TOP3A: variants seen among roughly 807,000 people sequenced by gnomAD.
The protein encoded by TOP3A is DNA topoisomerase 3-alpha.
Under a neutral mutation model 111.3 loss-of-function variants are expected in TOP3A, and 64 were observed. The ratio of observed to expected loss-of-function variants is 0.57; its 90% CI spans 0.47 to 0.71. TOP3A has a LOEUF of 0.71. Among genes scored for constraint, TOP3A ranks in the 30% least tolerant of loss-of-function variants. TOP3A has a pLI of 0.00. For missense variants in TOP3A, 1,104 were observed against 1,285.0 expected (o/e 0.86, Z 2.15); for synonymous variants, 484 against 485.1 (o/e 1.00, Z 0.03).
rs767947182 is a variant in TOP3A, at chr17:18,302,313, C to G, written c.765G>C (p.Arg255=). 1 of 1,613,062 alleles carries G rather than the reference C, an allele frequency of 6.2e-7. No homozygotes were observed. The highest frequency in any genetic ancestry group is 8.5e-7 in the Non-Finnish European group (1 of 1,179,994). Residue 255 remains arginine, a synonymous_variant, in exon 7 of 19, where the codon CGG becomes CGC. Transcript: ENST00000321105. The part of the protein sequence containing the change: ...QFPTLGFVVE[R]FKAIQAFVPE... ...GTACAAAAGCCTGAATGGCTTTGAA[C>G]CGCTCCACCACAAAGCCCAGTGTGG...
intron 18 of TOP3A, among the ~76,000 whole-genome samples, chr17:18,277,454 T>G (rs1979448331): frequency 6.6e-6 from 1 of 152,232 alleles, no homozygotes; most frequent in Non-Finnish European, 1.5e-5. Context: ...ATAGGGCAAG[T>G]GACACCATTA....
chr17:18,305,491 C>T (rs1315262005), intron 4 of TOP3A, among the ~76,000 whole-genome samples: 2 of 145,904 alleles, frequency 1.4e-5, no homozygotes, highest in Non-Finnish European at 3.0e-5. Context: ...CACACACGCG[C>T]GCGCGCGCGC....
chr17:18,291,617 A>C (rs1178603917), intron 11 of TOP3A, among the ~76,000 whole-genome samples: 1 of 152,246 alleles, frequency 6.6e-6, no homozygotes, highest in Non-Finnish European at 1.5e-5. Flanking sequence ...TTGGCAAAAT[A>C]AATTATGGCA....
chr17:18,312,536 A>G (rs141563475), intron 1 of TOP3A: 164 of 166,366 alleles, frequency 9.9e-4, no homozygotes, highest in African/African-American at 3.7e-3. Flanking sequence ...GGTGGGACAA[A>G]TTACAACGAC....
chr17:18,301,575 A>G (rs1437565975), intron 8 of TOP3A, among the ~76,000 whole-genome samples: 3 of 152,258 alleles, frequency 2.0e-5, no homozygotes, highest in Non-Finnish European at 4.4e-5. Flanking sequence ...TCCTAGCTCT[A>G]TAAGTCAATG....
rs61173749 is a variant in TOP3A, at chr17:18,289,119, TCTC to T, written c.1597+1435_1597+1437del. Reference sequence around the variant, plus strand: ...CCTCCACCTCCCGGGTTCATGCAATTCTCCTGCCTCAGCCTCCCAAGTAGCTGG... The same window carrying T: ...CCTCCACCTCCCGGGTTCATGCAATTCTGCCTCAGCCTCCCAAGTAGCTGG... On this transcript the variant is annotated intron_variant, in intron 13 of 18. Coordinates refer to ENST00000321105, the MANE Select transcript of TOP3A (RefSeq NM_004618.5). 7.2e-5 allele frequency among the ~76,000 whole-genome samples: 11 copies of T among 152,214 alleles called. No homozygotes were observed. The East Asian group carries it at 2.1e-3, about 29-fold the overall frequency.
chr17:18,285,006 G>T, intron 15 of TOP3A, 136 bp downstream of exon 15: 1 of 1,002,242 alleles, frequency 1.0e-6, no homozygotes, highest in Non-Finnish European at 1.5e-6. Flanking sequence ...AACTCTGACT[G>T]GCCCAGATGC....
intron 8 of TOP3A, among the ~76,000 whole-genome samples, chr17:18,301,403 C>G (rs910652965): frequency 6.6e-6 from 1 of 152,234 alleles, no homozygotes; most frequent in Admixed American, 6.5e-5. Context: ...TACCCCTCCC[C>G]TCACTGTCCC....
At chr17:18,313,452 A>T (rs1347850898) in intron 1 of TOP3A, 1 of 157,620 alleles carries the variant, frequency 6.3e-6, no homozygotes, top group Non-Finnish European at 1.4e-5. Flanking sequence ...AGCCTGTTCC[A>T]TTGAGGGAAG....
chr17:18,275,318 A>G (rs1979275822), intron 18 of TOP3A, among the ~76,000 whole-genome samples: 2 of 122,092 alleles, frequency 1.6e-5, no homozygotes, highest in South Asian at 6.1e-4. Flanking sequence ...AAAAAAAAAG[A>G]GCAGCAGACG....
rs182547864 is a variant in TOP3A, at chr17:18,291,963, T to C, written c.1281+682A>G. 9.7e-4 allele frequency among the ~76,000 whole-genome samples: 148 copies of C among 152,300 alleles called. No homozygotes were observed. In the Middle Eastern group the frequency reaches 0.014, roughly 14 times the overall value. On this transcript the variant is annotated intron_variant, in intron 11 of 18. Coordinates refer to ENST00000321105, the MANE Select transcript of TOP3A (RefSeq NM_004618.5). Reference sequence around the variant, plus strand: ...TCCTGACCTCGTGATCTACCCGCCTTGTCCTCCCACAGTGTTGGGATTACA... The same window carrying C: ...TCCTGACCTCGTGATCTACCCGCCTCGTCCTCCCACAGTGTTGGGATTACA...
intron 16 of TOP3A, 125 bp from the exon 17 acceptor site, chr17:18,280,783 A>T: frequency 9.3e-7 from 1 of 1,076,982 alleles, no homozygotes; most frequent in Non-Finnish European, 1.4e-6. Flanking sequence ...ATGACACTTA[A>T]CTGGATACAC....
intron 1 of TOP3A, 39 bp downstream of exon 1, chr17:18,314,560 C>T (rs907433765): frequency 1.3e-6 from 2 of 1,581,360 alleles, no homozygotes; most frequent in African/African-American, 2.7e-5. Context: ...CGGTGGGCCT[C>T]CCTTAAGGCA....
At position 18,282,763 on chromosome 17, in the gene TOP3A, T is replaced by C. The variant is rs1165218744; in HGVS notation, c.1956A>G (p.Pro652=). ...AQQEDIYPAM[P]EPIRKCPQCN... is the part of the protein sequence containing the mutation. Reference sequence around the variant, plus strand: ...ACTGTGGGCACTTCCTGATGGGCTCTGGCATGGCTGGGTAGATATCTTCTT... The same window carrying C: ...ACTGTGGGCACTTCCTGATGGGCTCCGGCATGGCTGGGTAGATATCTTCTT... The change falls in exon 16 of 19, where the codon CCA becomes CCG. Residue 652 remains proline, a synonymous_variant. Transcript: ENST00000321105. The C allele has an allele frequency of 6.2e-7, 1 of 1,614,214 alleles. No homozygotes were observed. The highest frequency in any genetic ancestry group is 8.5e-7 in the Non-Finnish European group (1 of 1,180,046).
chr17:18,314,898 A>C lies in TOP3A; in HGVS notation c.-120T>G, dbSNP rs1597995524. The stretch of plus-strand genomic sequence containing the variant: ...AGAGCCTCGCTTCGGTCACGTCCCC[A>C]CCAGCCTGCTGGCCTTTGGAGCTTC... On this transcript the variant is annotated 5_prime_UTR_variant, in exon 1 of 19. Transcript: ENST00000321105. 4 of 448,854 alleles carry C rather than the reference A, an allele frequency of 8.9e-6. No individual in the cohort carries two copies. Among genetic ancestry groups the C allele is most frequent in the African/African-American group, 2.2e-5 (1 of 46,126 alleles). The allele number at this position is 448,854 out of a possible 1,614,324, so 27.8% of individuals were successfully genotyped here. A position where few individuals can be genotyped will look rare whatever the true frequency, so the allele number is the denominator to read the frequency against.
intron 1 of TOP3A, among the ~76,000 whole-genome samples, chr17:18,309,527 C>T (rs1012235197): frequency 2.0e-5 from 3 of 151,856 alleles, no homozygotes; most frequent in Non-Finnish European, 4.4e-5. Flanking sequence ...CCTGTAATCC[C>T]AGTTACTTGG....
rs549587334 is a variant in TOP3A, at chr17:18,272,530, A to G, written c.*2272T>C. On this transcript the variant is annotated 3_prime_UTR_variant, in exon 19 of 19. Coordinates refer to ENST00000321105, the MANE Select transcript of TOP3A (RefSeq NM_004618.5). Reference sequence around the variant, plus strand: ...AAAAAGTGGAAACAACCCAATGTCCATCAACTGACAAATGGATAATCGTGT... The same window carrying G: ...AAAAAGTGGAAACAACCCAATGTCCGTCAACTGACAAATGGATAATCGTGT... 2.0e-5 allele frequency among the ~76,000 whole-genome samples: 3 copies of G among 152,356 alleles called. No homozygotes were observed. The highest frequency in any genetic ancestry group is 1.3e-4 in the Admixed American group (2 of 15,298).
At chr17:18,294,809 GT>G in intron 9 of TOP3A, 24 bp from the exon 10 acceptor site, 1 of 1,554,832 alleles carries the variant, frequency 6.4e-7, no homozygotes, top group Non-Finnish European at 8.9e-7. Flanking sequence ...CAACAGGCAT[GT>G]TAGGTGTACT....
chr17:18,272,181 G>A lies in TOP3A; in HGVS notation c.*2621C>T, dbSNP rs1334804656. On this transcript the variant is annotated 3_prime_UTR_variant, in exon 19 of 19. Transcript: ENST00000321105. ...TGGAAAGATGGTCAATGTCATTAAT[G>A]ACTAGGAAAATGCAAAACAAAACCA... is the stretch of plus-strand genomic sequence containing the variant. Among the ~76,000 whole-genome samples, 1 of 152,194 alleles carries A rather than the reference G, an allele frequency of 6.6e-6. No homozygotes were observed. The highest frequency in any genetic ancestry group is 2.4e-5 in the African/African-American group (1 of 41,458).
Sources: allele counts gnomAD v4.1 joint callset (sites outside exome capture counted in the v4.1 genomes callset), GRCh38; gene constraint gnomAD v4.1.1; transcripts MANE v1.5; gene names NCBI Gene and HGNC (gene_info 2026-07-23, HGNC 2026-07-21).